PPP2R2B: variants seen among roughly 807,000 people sequenced by gnomAD.
PPP2R2B encodes serine/threonine-protein phosphatase 2A 55 kDa regulatory subunit B beta isoform.
In PPP2R2B, 5 loss-of-function variants were observed where a neutral mutation model predicts 46.0. That is an observed-to-expected ratio of 0.11 (90% CI 0.06 to 0.23). The LOEUF (loss-of-function observed/expected upper bound fraction) is 0.23. Ranked by LOEUF, PPP2R2B falls within the 10% of genes least tolerant of loss-of-function variation. The probability of loss-of-function intolerance (pLI) is 1.00; values close to 1 mark genes in which losing one functional copy is unlikely to be tolerated. For missense variants in PPP2R2B, 367 were observed against 575.0 expected, an observed-to-expected ratio of 0.64 and a Z score of 3.70; for synonymous variants, 215 against 206.7, an observed-to-expected ratio of 1.04 and a Z score of -0.34.
chr5:146,787,799 C>T (rs1755937960), intron 2 of PPP2R2B, among the ~76,000 whole-genome samples: 1 of 152,120 alleles, frequency 6.6e-6, no homozygotes, highest in Non-Finnish European at 1.5e-5. Flanking sequence ...AACTCCTGAC[C>T]TCAGGTGATC....
At chr5:146,624,403 T>C (rs1318926640) in intron 7 of PPP2R2B, among the ~76,000 whole-genome samples, 4 of 152,150 alleles carry the variant, frequency 2.6e-5, no homozygotes, top group Admixed American at 2.0e-4. Flanking sequence ...TTTCCTTTAC[T>C]TCACCCTCTA....
intron 1 of PPP2R2B, among the ~76,000 whole-genome samples, chr5:146,896,927 G>A (rs1762663366): frequency 6.6e-6 from 1 of 152,020 alleles, no homozygotes; most frequent in African/African-American, 2.4e-5. Context: ...AAGAAATGCT[G>A]GCTTAGCCTC....
At chr5:147,038,645 C>A (rs1406348342) in intron 1 of PPP2R2B, among the ~76,000 whole-genome samples, 1 of 152,180 alleles carries the variant, frequency 6.6e-6, no homozygotes, top group Non-Finnish European at 1.5e-5. Flanking sequence ...ATTTTGGATA[C>A]TTTCCCTATG....
At chr5:146,602,514 T>A (rs1771881812) in intron 7 of PPP2R2B, among the ~76,000 whole-genome samples, 1 of 152,190 alleles carries the variant, frequency 6.6e-6, no homozygotes. Context: ...ATATCACAAT[T>A]TTAGGCTGAA....
At chr5:146,890,940 T>C (rs1320765912) in intron 1 of PPP2R2B, among the ~76,000 whole-genome samples, 1 of 152,154 alleles carries the variant, frequency 6.6e-6, no homozygotes, top group African/African-American at 2.4e-5. Context: ...ACTCATTATG[T>C]CTATTTCACA....
intron 2 of PPP2R2B, among the ~76,000 whole-genome samples, chr5:146,821,105 A>G (rs1482838971): frequency 1.3e-5 from 2 of 151,900 alleles, no homozygotes; most frequent in African/African-American, 4.8e-5. Context: ...ACACAACACA[A>G]CCTTCTCACA....
intron 2 of PPP2R2B, among the ~76,000 whole-genome samples, chr5:146,783,203 C>G (rs1375154879): frequency 2.0e-5 from 3 of 152,074 alleles, no homozygotes; most frequent in Non-Finnish European, 2.9e-5. Flanking sequence ...GTGATCTATT[C>G]CTAATACAGA....
intron 2 of PPP2R2B, among the ~76,000 whole-genome samples, chr5:146,833,879 G>A (rs1759112569): frequency 6.6e-6 from 1 of 151,916 alleles, no homozygotes; most frequent in South Asian, 2.1e-4. Flanking sequence ...AGCTGTATTT[G>A]TTTTCACATA....
intron 1 of PPP2R2B, among the ~76,000 whole-genome samples, chr5:147,051,671 C>T (rs1351874166): frequency 6.6e-6 from 1 of 151,832 alleles, no homozygotes; most frequent in Non-Finnish European, 1.5e-5. Context: ...CCCTCCAGTG[C>T]CTGGTGCCAA....
At chr5:146,657,832 T>C (rs1447969907) in intron 5 of PPP2R2B, among the ~76,000 whole-genome samples, 1 of 152,330 alleles carries the variant, frequency 6.6e-6, no homozygotes, top group East Asian at 1.9e-4. Flanking sequence ...ATCTCCTTGT[T>C]AGTGTTCAAC....
chr5:146,647,133 G>A (rs1579794), intron 6 of PPP2R2B, among the ~76,000 whole-genome samples: 115,148 of 150,890 alleles, frequency 0.76, 44,888 homozygotes, highest in East Asian at 0.83. Context: ...TTTACTTAAT[G>A]CTTTACATAC....
chr5:146,660,586 C>G (rs1021056950), intron 5 of PPP2R2B, among the ~76,000 whole-genome samples: 7 of 152,078 alleles, frequency 4.6e-5, no homozygotes, highest in African/African-American at 1.7e-4. Context: ...ATGAAACTGC[C>G]ACTCACCAGC....
intron 1 of PPP2R2B, among the ~76,000 whole-genome samples, chr5:146,913,682 T>A (rs142609375): frequency 6.6e-5 from 10 of 152,152 alleles, no homozygotes; most frequent in South Asian, 6.2e-4. Context: ...AAACATAAAC[T>A]GAATTGAGAG....
At chr5:146,784,716 T>C (rs1469281938) in intron 2 of PPP2R2B, among the ~76,000 whole-genome samples, 1 of 152,212 alleles carries the variant, frequency 6.6e-6, no homozygotes, top group Non-Finnish European at 1.5e-5. Context: ...TTCAGAAGGA[T>C]GACTGCCGTG....
At chr5:146,927,215 T>G (rs1763812028) in intron 1 of PPP2R2B, among the ~76,000 whole-genome samples, 1 of 152,134 alleles carries the variant, frequency 6.6e-6, no homozygotes, top group African/African-American at 2.4e-5. Context: ...AGTTGAAGTT[T>G]CCAACTTTGC....
At chr5:146,973,595 A>G (rs770547669) in intron 1 of PPP2R2B, among the ~76,000 whole-genome samples, 3 of 152,214 alleles carry the variant, frequency 2.0e-5, no homozygotes, top group Non-Finnish European at 4.4e-5. Context: ...GAAGAATTCC[A>G]TGGCTTGTAA....
chr5:147,057,212 T>C (rs1298842069), upstream of PPP2R2B, among the ~76,000 whole-genome samples: 1 of 152,222 alleles, frequency 6.6e-6, no homozygotes, highest in Non-Finnish European at 1.5e-5. Flanking sequence ...CTTGGACTAC[T>C]ATGGCATGGT....
chr5:147,081,223 G>T (rs745837094), intron 1 of PPP2R2B: 1 of 1,535,508 alleles, frequency 6.5e-7, no homozygotes. Context: ...ATATATAGCA[G>T]AATCTATGCA....
intron 1 of PPP2R2B, among the ~76,000 whole-genome samples, chr5:146,886,148 C>A (rs1489807168): frequency 6.6e-6 from 1 of 151,998 alleles, no homozygotes; most frequent in African/African-American, 2.4e-5. Flanking sequence ...ACCACCCTGG[C>A]TAACAGGGTG....
Sources: allele counts gnomAD v4.1 joint callset (sites outside exome capture counted in the v4.1 genomes callset), GRCh38; gene constraint gnomAD v4.1.1; transcripts MANE v1.5; gene names NCBI Gene and HGNC (gene_info 2026-07-23, HGNC 2026-07-21).